Variants in SYNE3 observed in about 807,000 individuals in gnomAD.
The protein encoded by SYNE3 is nesprin-3.
In SYNE3, 100 loss-of-function variants were observed where a neutral mutation model predicts 111.2. The ratio of observed to expected loss-of-function variants is 0.90; its 90% CI spans 0.77 to 1.06. The LOEUF is 1.06. Among genes scored for constraint, SYNE3 ranks in the 50% least tolerant of loss-of-function variants. The pLI, the probability that SYNE3 is intolerant of heterozygous loss-of-function variation, is 0.00. For missense variants in SYNE3, 1,160 were observed against 1,240.3 expected, an observed-to-expected ratio of 0.94 and a Z score of 0.97; for synonymous variants, 547 against 533.9, an observed-to-expected ratio of 1.02 and a Z score of -0.34.
At chr14:95,460,012 G>A (rs1462194972) in intron 4 of SYNE3, among the ~76,000 whole-genome samples, 3 of 151,898 alleles carry the variant, frequency 2.0e-5, no homozygotes, top group Non-Finnish European at 2.9e-5. Context: ...CAGGAGGATC[G>A]CTTGAGCCCA....
At position 95,511,913 on chromosome 14, in the gene SYNE3, T is replaced by C. The variant is rs1890735823; in HGVS notation, c.-15+4683A>G. On this transcript the variant is annotated intron_variant, in intron 1 of 17. Coordinates refer to ENST00000682763, the MANE Select transcript of SYNE3 (RefSeq NM_152592.6). The stretch of plus-strand genomic sequence containing the variant: ...GCAGCCTGGAGAGAAGTGTATTCCC[T>C]ACGTGTGTGACCTCGGCCAGGACAC... Among the ~76,000 whole-genome samples, 3 of 142,484 alleles carry C rather than the reference T, an allele frequency of 2.1e-5. No individual in the cohort carries two copies. The South Asian group carries it at 6.3e-4, about 30-fold the overall frequency. The allele number at this position is 142,484 out of a possible 152,430, so 93.5% of individuals were successfully genotyped here. A position where few individuals can be genotyped will look rare whatever the true frequency, so the allele number is the denominator to read the frequency against.
intron 2 of SYNE3, among the ~76,000 whole-genome samples, chr14:95,474,206 G>T (rs1888735838): frequency 6.6e-6 from 1 of 152,272 alleles, no homozygotes; most frequent in Non-Finnish European, 1.5e-5. Flanking sequence ...CTGGAAAAGA[G>T]AGTGGTGCAG....
chr14:95,506,139 C>A (rs1890520180), intron 1 of SYNE3, among the ~76,000 whole-genome samples: 1 of 152,166 alleles, frequency 6.6e-6, no homozygotes, highest in African/African-American at 2.4e-5. Flanking sequence ...GTGCCCTGGG[C>A]TTGTACCACC....
chr14:95,409,002 C>T lies in SYNE3; in HGVS notation c.*8824G>A. On this transcript the variant is annotated 3_prime_UTR_variant, in exon 18 of 18. Coordinates refer to ENST00000682763, the MANE Select transcript of SYNE3 (RefSeq NM_152592.6). ...TTCAGCGGTGGGAGTCAACGGACTTCCCCGCAGGAGTGGGCACAGGAGGAA... is the reference window on the plus strand; with the variant it reads ...TTCAGCGGTGGGAGTCAACGGACTTTCCCGCAGGAGTGGGCACAGGAGGAA... 2.6e-6 allele frequency: 1 copy of T among 377,580 alleles called. No homozygotes were observed. The highest frequency in any genetic ancestry group is 1.9e-5 in the South Asian group (1 of 51,306). The allele number at this position is 377,580 out of a possible 1,614,324, so 23.4% of individuals were successfully genotyped here.
chr14:95,431,607 G>A (rs1885766838), intron 17 of SYNE3, among the ~76,000 whole-genome samples: 2 of 152,170 alleles, frequency 1.3e-5, no homozygotes, highest in South Asian at 2.1e-4. Context: ...GGAAACACCT[G>A]CCTAGTAGAA....
chr14:95,457,732 C>T (rs1191807740), intron 4 of SYNE3, among the ~76,000 whole-genome samples: 1 of 152,168 alleles, frequency 6.6e-6, no homozygotes, highest in Non-Finnish European at 1.5e-5. Flanking sequence ...AAGAGCTTGA[C>T]ATATATGAGC....
At chr14:95,487,935 C>CTCA (rs1566684539) in intron 1 of SYNE3, among the ~76,000 whole-genome samples, 2 of 151,846 alleles carry the variant, frequency 1.3e-5, no homozygotes, top group Non-Finnish European at 2.9e-5. Context: ...CCTCCTCCTC[C>CTCA]TCAGCCTACT....
At chr14:95,505,075 G>C (rs1890480809) in intron 1 of SYNE3, among the ~76,000 whole-genome samples, 1 of 152,238 alleles carries the variant, frequency 6.6e-6, no homozygotes, top group African/African-American at 2.4e-5. Context: ...CAGCAGTGCT[G>C]GGTCCTGCCT....
At chr14:95,474,410 G>A (rs1428283765) in intron 2 of SYNE3, among the ~76,000 whole-genome samples, 2 of 152,192 alleles carry the variant, frequency 1.3e-5, no homozygotes, top group South Asian at 2.1e-4. Flanking sequence ...AGAGCAGGGT[G>A]GGCCTCACCC....
chr14:95,458,138 A>G (rs1344517205), intron 4 of SYNE3, among the ~76,000 whole-genome samples: 2 of 152,220 alleles, frequency 1.3e-5, no homozygotes, highest in Non-Finnish European at 2.9e-5. Context: ...CCCAGAGACT[A>G]GGTTTTTCAA....
intron 17 of SYNE3, among the ~76,000 whole-genome samples, chr14:95,425,006 A>G (rs1885352441): frequency 2.0e-5 from 3 of 152,196 alleles, no homozygotes. Flanking sequence ...TTGAAAGGCC[A>G]AGGCAGGTGG....
rs1192450993 is a variant in SYNE3, at chr14:95,433,137, C to T, written c.2688+123G>A. The stretch of plus-strand genomic sequence containing the variant: ...CTGTCCTCTGCCTGAGTGGTCACCA[C>T]TGTCTGGTGTGTGAATGCACAGGGC... On this transcript the variant is annotated intron_variant, in intron 16 of 17. Coordinates refer to ENST00000682763, the MANE Select transcript of SYNE3 (RefSeq NM_152592.6). The T allele has an allele frequency of 3.6e-6, 5 of 1,397,140 alleles. No individual in the cohort carries two copies. In the South Asian group the frequency reaches 7.1e-5, roughly 20 times the overall value. The allele number at this position is 1,397,140 out of a possible 1,614,324, so 86.5% of individuals were successfully genotyped here. A position where few individuals can be genotyped will look rare whatever the true frequency, so the allele number is the denominator to read the frequency against.
chr14:95,422,095 T>A (rs575510155), intron 17 of SYNE3, among the ~76,000 whole-genome samples: 1 of 152,324 alleles, frequency 6.6e-6, no homozygotes, highest in South Asian at 2.1e-4. Flanking sequence ...ATTTGCTGAA[T>A]GAATGAAACC....
At chr14:95,497,598 C>A (rs1217364870) in intron 1 of SYNE3, among the ~76,000 whole-genome samples, 6 of 152,126 alleles carry the variant, frequency 3.9e-5, no homozygotes, top group Non-Finnish European at 1.5e-5. Flanking sequence ...GACTGCAAAG[C>A]GCTGCACTCT....
chr14:95,429,864 A>C, intron 17 of SYNE3: 1 of 886,666 alleles, frequency 1.1e-6, no homozygotes, highest in Non-Finnish European at 1.3e-6. Flanking sequence ...TCAGCTGGAC[A>C]TGTGCGCTCT....
At chr14:95,422,904 T>C (rs1212183) in intron 17 of SYNE3, among the ~76,000 whole-genome samples, 112,369 of 152,168 alleles carry the variant, frequency 0.74, 42,003 homozygotes, top group Non-Finnish European at 0.82. Flanking sequence ...GCTCTGGCAG[T>C]GCCAGCAGGT....
intron 4 of SYNE3, among the ~76,000 whole-genome samples, chr14:95,462,512 A>G (rs567143347): frequency 6.2e-4 from 95 of 152,318 alleles, no homozygotes; most frequent in African/African-American, 2.1e-3. Context: ...GGCTTCCACC[A>G]TGGAGGGAGT....
chr14:95,452,101 A>T, intron 7 of SYNE3, 146 bp downstream of exon 7: 1 of 995,178 alleles, frequency 1.0e-6, no homozygotes, highest in Non-Finnish European at 1.4e-6. Flanking sequence ...GCCAAGTGAG[A>T]ACCTCTAAAA....
At chr14:95,443,578 A>G (rs1310954307) in intron 10 of SYNE3, 4 of 356,084 alleles carry the variant, frequency 1.1e-5, no homozygotes, top group South Asian at 9.8e-5. Context: ...ATTGGGACTC[A>G]TACTTGATGA....
Sources: gnomAD v4.1 joint callset for allele counts (sites outside exome capture counted in the v4.1 genomes callset) on GRCh38, gnomAD v4.1.1 for gene constraint, MANE v1.5 for transcripts, NCBI Gene and HGNC (gene_info 2026-07-23, HGNC 2026-07-21) for gene names.